Variants in LRRC4C observed in about 807,000 individuals in gnomAD.
The protein encoded by LRRC4C is leucine-rich repeat-containing protein 4C.
A neutral mutation model predicts 33.6 loss-of-function variants in LRRC4C; 5 were observed. The observed-to-expected ratio is 0.15, with a 90% confidence interval of 0.08 to 0.31. The LOEUF (loss-of-function observed/expected upper bound fraction) is 0.31, where lower values mean the gene tolerates loss of function less well. Ranked by LOEUF, LRRC4C falls within the 10% of genes least tolerant of loss-of-function variation. LRRC4C has a pLI of 1.00. For missense variants in LRRC4C, 560 were observed against 796.7 expected (o/e 0.70, Z 3.58); for synonymous variants, 329 against 302.0 (o/e 1.09, Z -0.93).
At chr11:41,110,309 G>A (rs1941755801) in intron 1 of LRRC4C, among the ~76,000 whole-genome samples, 1 of 151,970 alleles carries the variant, frequency 6.6e-6, no homozygotes, top group South Asian at 2.1e-4. Flanking sequence ...AATGCAAAGT[G>A]CAAGCTTAAT....
intron 1 of LRRC4C, among the ~76,000 whole-genome samples, chr11:41,442,445 T>C (rs1955651889): frequency 6.8e-6 from 1 of 146,634 alleles, no homozygotes; most frequent in Non-Finnish European, 1.5e-5. Flanking sequence ...TTCTCTCTCT[T>C]TGTTGCTTTT....
intron 4 of LRRC4C, among the ~76,000 whole-genome samples, chr11:40,284,089 T>C (rs1943672946): frequency 6.6e-6 from 1 of 152,168 alleles, no homozygotes. Context: ...CACAAATATA[T>C]GAACAAAATG....
At chr11:40,682,025 C>T (rs1944713104) in intron 2 of LRRC4C, among the ~76,000 whole-genome samples, 1 of 152,008 alleles carries the variant, frequency 6.6e-6, no homozygotes, top group South Asian at 2.1e-4. Flanking sequence ...GTGCTCCAGG[C>T]TCTCACAAAT....
At chr11:40,421,321 C>A (rs530812978) in intron 3 of LRRC4C, among the ~76,000 whole-genome samples, 5 of 152,292 alleles carry the variant, frequency 3.3e-5, no homozygotes, top group African/African-American at 1.2e-4. Flanking sequence ...AACGTTTTGC[C>A]TTTGGGTCAA....
chr11:40,250,889 G>A (rs943891998), intron 4 of LRRC4C, among the ~76,000 whole-genome samples: 1 of 152,132 alleles, frequency 6.6e-6, no homozygotes, highest in Non-Finnish European at 1.5e-5. Context: ...AACTTGTGAT[G>A]ACAGATCTTT....
At chr11:40,292,574 T>A (rs1240787365) in intron 4 of LRRC4C, 2 of 151,820 alleles carry the variant, frequency 1.3e-5, no homozygotes. Flanking sequence ...CTTGGCTCAC[T>A]TTCTCCTTTA....
At chr11:41,021,204 AGAGAGAGAGAGTGT>A (rs1330332749) in intron 1 of LRRC4C, among the ~76,000 whole-genome samples, 3 of 46,190 alleles carry the variant, frequency 6.5e-5, no homozygotes, top group African/African-American at 1.5e-4. Flanking sequence ...AGAGAGAGAG[AGAGAGAGAGAGTGT>A]GTGTGTGTGT....
At chr11:40,147,188 A>G (rs1235012529) in intron 5 of LRRC4C, among the ~76,000 whole-genome samples, 1 of 152,122 alleles carries the variant, frequency 6.6e-6, no homozygotes, top group Admixed American at 6.6e-5. Context: ...ACTTGCAGGT[A>G]GAACAAATCC....
At chr11:40,243,242 A>G (rs1866061654) in intron 4 of LRRC4C, among the ~76,000 whole-genome samples, 1 of 152,204 alleles carries the variant, frequency 6.6e-6, no homozygotes, top group African/African-American at 2.4e-5. Flanking sequence ...TAATTAATGT[A>G]TACCAACAAT....
At chr11:40,417,529 A>G (rs1435031249) in intron 3 of LRRC4C, among the ~76,000 whole-genome samples, 2 of 151,134 alleles carry the variant, frequency 1.3e-5, no homozygotes, top group Admixed American at 6.6e-5. Context: ...TTTAGCAGAG[A>G]CTAAGTTTCA....
intron 3 of LRRC4C, among the ~76,000 whole-genome samples, chr11:40,547,187 C>A (rs1464083241): frequency 6.6e-6 from 1 of 152,118 alleles, no homozygotes; most frequent in African/African-American, 2.4e-5. Flanking sequence ...CTATATTCAG[C>A]TGAGAGCACC....
chr11:40,759,961 AC>A (rs1323645567), intron 2 of LRRC4C, among the ~76,000 whole-genome samples: 23 of 41,302 alleles, frequency 5.6e-4, no homozygotes, highest in South Asian at 3.2e-3. Flanking sequence ...AACAACAACA[AC>A]AAAAAAAAAA....
chr11:41,177,516 T>A (rs1175207918), intron 1 of LRRC4C, among the ~76,000 whole-genome samples: 1 of 152,168 alleles, frequency 6.6e-6, no homozygotes, highest in East Asian at 1.9e-4. Context: ...TGATCTATTA[T>A]CTCACCTATC....
chr11:40,835,641 G>A (rs1280778206), intron 2 of LRRC4C, among the ~76,000 whole-genome samples: 1 of 152,028 alleles, frequency 6.6e-6, no homozygotes, highest in Non-Finnish European at 1.5e-5. Context: ...GGAAATCCCA[G>A]ACAATGCAAA....
At chr11:40,667,771 G>A (rs1943891267) in intron 2 of LRRC4C, among the ~76,000 whole-genome samples, 1 of 152,164 alleles carries the variant, frequency 6.6e-6, no homozygotes, top group African/African-American at 2.4e-5. Flanking sequence ...CAAGAGATTT[G>A]AAGAAGACTC....
intron 3 of LRRC4C, among the ~76,000 whole-genome samples, chr11:40,385,863 CAAATAAATAAATAAAT>C (rs60952313): frequency 7.2e-6 from 1 of 138,140 alleles, no homozygotes; most frequent in African/African-American, 2.7e-5. Flanking sequence ...GAGACTCTGT[CAAATAAATAAATAAAT>C]AAATAAATAA....
At chr11:40,622,202 ATTGTATTT>A (rs1962523718) in intron 3 of LRRC4C, among the ~76,000 whole-genome samples, 1 of 151,902 alleles carries the variant, frequency 6.6e-6, no homozygotes, top group Non-Finnish European at 1.5e-5. Flanking sequence ...CATACTTTGG[ATTGTATTT>A]TTATATTTTT....
At chr11:40,626,533 T>C (rs1962945122) in intron 3 of LRRC4C, among the ~76,000 whole-genome samples, 4 of 152,126 alleles carry the variant, frequency 2.6e-5, no homozygotes, top group African/African-American at 9.7e-5. Flanking sequence ...GATGAACAAA[T>C]GTCTCCTCTT....
At chr11:40,748,748 A>T (rs1948547664) in intron 2 of LRRC4C, among the ~76,000 whole-genome samples, 1 of 152,128 alleles carries the variant, frequency 6.6e-6, no homozygotes. Context: ...CACTTTACCT[A>T]TAAAGACACA....
Sources: gnomAD v4.1 joint callset for allele counts (sites outside exome capture counted in the v4.1 genomes callset) on GRCh38, gnomAD v4.1.1 for gene constraint, MANE v1.5 for transcripts, NCBI Gene and HGNC (gene_info 2026-07-23, HGNC 2026-07-21) for gene names.